Variants in LZTFL1 observed in about 807,000 individuals in gnomAD.
LZTFL1 encodes leucine zipper transcription factor-like protein 1.
Under a neutral mutation model 45.9 loss-of-function variants are expected in LZTFL1, and 25 were observed. The ratio of observed to expected loss-of-function variants is 0.54; its 90% confidence interval spans 0.40 to 0.76. The LOEUF is 0.76. Ranked by LOEUF, LZTFL1 falls within the 30% of genes least tolerant of loss-of-function variation. LZTFL1 has a pLI of 0.00. For missense variants in LZTFL1, 277 were observed against 331.1 expected (o/e 0.84, Z 1.27); for synonymous variants, 93 against 117.4 (o/e 0.79, Z 1.35).
chr3:45,910,058 G>A (rs59451221), intron 2 of LZTFL1, among the ~76,000 whole-genome samples: 15,709 of 152,156 alleles, frequency 0.1, 1,497 homozygotes, highest in African/African-American at 0.25. Context: ...CTGTTCAGGC[G>A]CAGATGATGA....
intron 7 of LZTFL1, 110 bp from the exon 8 acceptor site, chr3:45,828,725 T>C: frequency 1.0e-6 from 1 of 968,298 alleles, no homozygotes; most frequent in Non-Finnish European, 1.5e-6. Context: ...GTATGTTTTG[T>C]GTGCATGCCA....
rs542384938 is a variant in LZTFL1, at chr3:45,837,812, T to C, written c.128+115A>G. The C allele has an allele frequency of 3.6e-5, 41 of 1,151,260 alleles. No homozygotes were observed. The African/African-American group carries it at 6.1e-4, about 17-fold the overall frequency. 71.3% of individuals were successfully genotyped at this position (1,151,260 alleles called of 1,614,324 possible). A position where few individuals can be genotyped will look rare whatever the true frequency, so the allele number is the denominator to read the frequency against. On this transcript the variant is annotated intron_variant, in intron 2 of 9. Transcript: ENST00000296135. ...GCTTAGTGTAGCTGCTCTTAGCAAA[T>C]AATTGATCATGATGAATCCCAGAAA...
At chr3:45,841,791 C>T (rs1410293976) in intron 1 of LZTFL1, 198 bp downstream of exon 1, 1 of 656,940 alleles carries the variant, frequency 1.5e-6, no homozygotes, top group Admixed American at 2.9e-5. Context: ...AGGCTTCACC[C>T]AGGATTACCC....
chr3:45,898,579 T>G (rs1702444165), intron 2 of LZTFL1, among the ~76,000 whole-genome samples: 1 of 152,226 alleles, frequency 6.6e-6, no homozygotes, highest in African/African-American at 2.4e-5. Context: ...AATAGGATTT[T>G]CTCTTGCTCA....
At chr3:45,841,890 G>A (rs1701126981) in intron 1 of LZTFL1, 99 bp downstream of exon 1, 1 of 1,472,262 alleles carries the variant, frequency 6.8e-7, no homozygotes, top group Non-Finnish European at 9.3e-7. Flanking sequence ...CAGACCCAAC[G>A]AGGCCACGTA....
intron 1 of LZTFL1, 150 bp downstream of exon 1, chr3:45,841,839 G>T: frequency 9.7e-7 from 1 of 1,031,380 alleles, no homozygotes; most frequent in Non-Finnish European, 1.4e-6. Flanking sequence ...AATCTCTCGC[G>T]CCCGGCGCAG....
At chr3:45,859,409 T>C (rs372274199) in intron 2 of LZTFL1, among the ~76,000 whole-genome samples, 7 of 152,094 alleles carry the variant, frequency 4.6e-5, no homozygotes, top group Admixed American at 1.3e-4. Flanking sequence ...GTTGTTGTTG[T>C]AGAGACAGCG....
chr3:45,882,208 T>A (rs964706778), intron 2 of LZTFL1, among the ~76,000 whole-genome samples: 1 of 152,240 alleles, frequency 6.6e-6, no homozygotes, highest in Non-Finnish European at 1.5e-5. Context: ...ATGGCCAGTA[T>A]CCACATAGTC....
chr3:45,827,465 T>A lies in LZTFL1; in HGVS notation c.778-6A>T. ...TGAAATTTCTTTTCTAATTCCTGCT[T>A]AGTAAAAAATGTCAGCCCATTACTA... On this transcript the variant is annotated splice_polypyrimidine_tract_variant and splice_region_variant and intron_variant, in intron 8 of 9. Coordinates refer to ENST00000296135, the MANE Select transcript of LZTFL1 (RefSeq NM_020347.4). The A allele has an allele frequency of 6.4e-7, 1 of 1,572,872 alleles. No individual in the cohort carries two copies. The highest frequency in any genetic ancestry group is 8.7e-7 in the Non-Finnish European group (1 of 1,142,880).
chr3:45,894,137 G>A (rs1702275207), intron 2 of LZTFL1, among the ~76,000 whole-genome samples: 1 of 152,206 alleles, frequency 6.6e-6, no homozygotes, highest in Non-Finnish European at 1.5e-5. Flanking sequence ...CTTTGGTTAT[G>A]TAGGGGTGGG....
At chr3:45,850,104 C>T (rs926703479) in intron 4 of LZTFL1, among the ~76,000 whole-genome samples, 1 of 152,136 alleles carries the variant, frequency 6.6e-6, no homozygotes, top group South Asian at 2.1e-4. Flanking sequence ...AAAACTTTCC[C>T]CTTCAAAATG....
chr3:45,891,553 C>T (rs1378144121), intron 2 of LZTFL1, among the ~76,000 whole-genome samples: 1 of 152,086 alleles, frequency 6.6e-6, no homozygotes, highest in African/African-American at 2.4e-5. Flanking sequence ...GGGGATAATT[C>T]CTAAGAACAG....
At chr3:45,913,774 C>T (rs983243499) in intron 1 of LZTFL1, among the ~76,000 whole-genome samples, 3 of 152,144 alleles carry the variant, frequency 2.0e-5, no homozygotes, top group African/African-American at 7.2e-5. Flanking sequence ...CTTAGGAACT[C>T]CCTCCTAAAC....
intron 2 of LZTFL1, among the ~76,000 whole-genome samples, chr3:45,909,743 C>A (rs1020709584): frequency 1.3e-5 from 2 of 152,224 alleles, no homozygotes; most frequent in African/African-American, 2.4e-5. Context: ...AAAGGCCTCA[C>A]GCCGTGGGTG....
rs766539339 is a variant in LZTFL1, at chr3:45,835,706, C to T, written c.207G>A (p.Val69=). Residue 69 remains valine (V), a synonymous_variant, in exon 3 of 10, where the codon GTG becomes GTA. Coordinates refer to ENST00000296135, the MANE Select transcript of LZTFL1 (RefSeq NM_020347.4). ...AGGCAGTGTTGATGAGCTCAGATTC[C>T]ACCTCACTATGAACCACAGCTTGTA... The part of the protein sequence containing the change: ...NGLQAVVHSE[V]ESELINTAYT... 9.3e-6 allele frequency: 15 copies of T among 1,614,130 alleles called. No homozygotes were observed. The South Asian group carries it at 1.4e-4, about 15-fold the overall frequency.
chr3:45,884,710 T>C (rs1429348863), intron 2 of LZTFL1, among the ~76,000 whole-genome samples: 1 of 152,168 alleles, frequency 6.6e-6, no homozygotes, highest in African/African-American at 2.4e-5. Context: ...GCACAGGCTT[T>C]TCCTCACCCA....
rs995608635 is a variant in LZTFL1, at chr3:45,823,891, G to C, written c.*2423C>G. 1 of 152,148 alleles carries C rather than the reference G, an allele frequency of 6.6e-6. No homozygotes were observed. The highest frequency in any genetic ancestry group is 2.4e-5 in the African/African-American group (1 of 41,420). The allele number at this position is 152,148 out of a possible 1,614,324, so 9.4% of individuals were successfully genotyped here. A position where few individuals can be genotyped will look rare whatever the true frequency, so the allele number is the denominator to read the frequency against. On this transcript the variant is annotated 3_prime_UTR_variant, in exon 10 of 10. Transcript: ENST00000296135. Reference sequence around the variant, plus strand: ...TCTATAAATCTCTTTCAGTTAATCAGAATGGAAATAATGAATAGCAAAGGC... The same window carrying C: ...TCTATAAATCTCTTTCAGTTAATCACAATGGAAATAATGAATAGCAAAGGC...
At chr3:45,840,053 A>G (rs771748935) in intron 1 of LZTFL1, among the ~76,000 whole-genome samples, 1 of 152,190 alleles carries the variant, frequency 6.6e-6, no homozygotes, top group Non-Finnish European at 1.5e-5. Context: ...CTATGAGGGC[A>G]TGAACCATTT....
At chr3:45,893,050 G>A (rs1702237190) in intron 2 of LZTFL1, among the ~76,000 whole-genome samples, 1 of 152,146 alleles carries the variant, frequency 6.6e-6, no homozygotes, top group Admixed American at 6.5e-5. Context: ...CCCTTGCGAA[G>A]CTCTCACACA....
Sources: gnomAD v4.1 joint callset for allele counts (sites outside exome capture counted in the v4.1 genomes callset) on GRCh38, gnomAD v4.1.1 for gene constraint, MANE v1.5 for transcripts, NCBI Gene and HGNC (gene_info 2026-07-23, HGNC 2026-07-21) for gene names.